SCARA5: variants seen among roughly 807,000 people sequenced by gnomAD.
The protein encoded by SCARA5 is scavenger receptor class A, member 5 (putative).
In SCARA5, 45 loss-of-function variants were observed where a neutral mutation model predicts 46.3. That is an observed-to-expected ratio of 0.97 (90% CI 0.76 to 1.24). The LOEUF (loss-of-function observed/expected upper bound fraction) is 1.24. Among genes scored for constraint, SCARA5 ranks in the 50% most tolerant of loss-of-function variants. The pLI, the probability that SCARA5 is intolerant of heterozygous loss-of-function variation, is 0.00. For missense variants in SCARA5, 680 were observed against 689.0 expected, an observed-to-expected ratio of 0.99 and a Z score of 0.15; for synonymous variants, 333 against 306.5, an observed-to-expected ratio of 1.09 and a Z score of -0.90.
chr8:27,969,324 A>T (rs1259398605), intron 2 of SCARA5, among the ~76,000 whole-genome samples: 1 of 152,252 alleles, frequency 6.6e-6, no homozygotes, highest in Non-Finnish European at 1.5e-5. Flanking sequence ...TAATTTTTTT[A>T]AAAATGCACT....
chr8:27,920,900 C>T (rs575881636), intron 4 of SCARA5, among the ~76,000 whole-genome samples: 10 of 151,858 alleles, frequency 6.6e-5, no homozygotes, highest in Admixed American at 2.0e-4. Context: ...GGCGTGAACC[C>T]GGGAGGTGGA....
chr8:27,973,389 A>C (rs1808475875), intron 2 of SCARA5, among the ~76,000 whole-genome samples: 2 of 152,170 alleles, frequency 1.3e-5, no homozygotes, highest in African/African-American at 4.8e-5. Context: ...AGGCAGGACA[A>C]CTGCTGGAAC....
At chr8:27,921,086 G>A (rs948491811) in intron 4 of SCARA5, among the ~76,000 whole-genome samples, 2 of 152,234 alleles carry the variant, frequency 1.3e-5, no homozygotes, top group African/African-American at 2.4e-5. Flanking sequence ...GCCTAAATGA[G>A]TAAGTCTTCC....
chr8:27,946,537 T>C (rs938072673), intron 3 of SCARA5, among the ~76,000 whole-genome samples: 1 of 152,232 alleles, frequency 6.6e-6, no homozygotes, highest in African/African-American at 2.4e-5. Context: ...GCAGCCTTCC[T>C]GAGAGAAAGT....
At chr8:27,883,642 T>C (rs185689641) in intron 7 of SCARA5, among the ~76,000 whole-genome samples, 130 of 152,240 alleles carry the variant, frequency 8.5e-4, no homozygotes, top group Non-Finnish European at 1.5e-3. Context: ...GATTAGAGGG[T>C]CAATCAGCAA....
At chr8:27,912,470 C>A (rs1807393273) in intron 4 of SCARA5, among the ~76,000 whole-genome samples, 1 of 152,232 alleles carries the variant, frequency 6.6e-6, no homozygotes, top group Non-Finnish European at 1.5e-5. Flanking sequence ...TTTCAGACCA[C>A]ATGATTGAGT....
At chr8:27,889,171 C>A (rs1379369408) in intron 7 of SCARA5, among the ~76,000 whole-genome samples, 5 of 152,152 alleles carry the variant, frequency 3.3e-5, no homozygotes, top group African/African-American at 1.2e-4. Context: ...AGCTGAGGCA[C>A]AGATGAGGCC....
chr8:27,923,902 T>C (rs1585492779), intron 3 of SCARA5, among the ~76,000 whole-genome samples: 1 of 152,310 alleles, frequency 6.6e-6, no homozygotes, highest in Middle Eastern at 3.4e-3. Flanking sequence ...CTCTATTTCC[T>C]CTTCAGCAAA....
Position 27,871,800 on chromosome 8 carries a change from T to G in SCARA5, c.*134A>C, listed in dbSNP as rs1010748333. 6.5e-7 allele frequency: 1 copy of G among 1,530,610 alleles called. No individual in the cohort carries two copies. Among genetic ancestry groups the G allele is most frequent in the East Asian group, 2.3e-5 (1 of 43,398 alleles). 94.8% of individuals were successfully genotyped at this position (1,530,610 alleles called of 1,614,324 possible). On this transcript the variant is annotated 3_prime_UTR_variant, in exon 9 of 9. Transcript: ENST00000354914. Reference sequence around the variant, plus strand: ...ACGACCGGCCCCCACGGTCCTGGGATGCAGGTGTGAGGACTGAGAATGCTG... The same window carrying G: ...ACGACCGGCCCCCACGGTCCTGGGAGGCAGGTGTGAGGACTGAGAATGCTG...
chr8:27,973,190 G>C (rs1808472809), intron 2 of SCARA5, among the ~76,000 whole-genome samples: 1 of 152,138 alleles, frequency 6.6e-6, no homozygotes, highest in South Asian at 2.1e-4. Flanking sequence ...AAAAATAAAA[G>C]CTGGGGCCGG....
At chr8:27,893,893 C>T (rs1807023013) in intron 7 of SCARA5, among the ~76,000 whole-genome samples, 1 of 152,210 alleles carries the variant, frequency 6.6e-6, no homozygotes, top group Non-Finnish European at 1.5e-5. Flanking sequence ...TTTAGGAGGA[C>T]TGTGTAGTGG....
At chr8:27,900,576 A>G (rs866330647) in intron 7 of SCARA5, among the ~76,000 whole-genome samples, 19 of 152,190 alleles carry the variant, frequency 1.2e-4, no homozygotes, top group Admixed American at 5.9e-4. Context: ...TGTCATCTGC[A>G]TATTTTTTTT....
intron 3 of SCARA5, among the ~76,000 whole-genome samples, chr8:27,941,128 T>C (rs1208452318): frequency 6.6e-6 from 1 of 152,168 alleles, no homozygotes. Context: ...ACGTCTTATA[T>C]TTACCATGTT....
chr8:27,948,364 C>A (rs1179148586), intron 3 of SCARA5, among the ~76,000 whole-genome samples: 4 of 152,180 alleles, frequency 2.6e-5, no homozygotes, highest in African/African-American at 7.2e-5. Context: ...GGGAGGGAGG[C>A]AGGGAGGCCC....
At chr8:27,981,133 A>G (rs1447743048) in intron 2 of SCARA5, among the ~76,000 whole-genome samples, 1 of 152,172 alleles carries the variant, frequency 6.6e-6, no homozygotes, top group Non-Finnish European at 1.5e-5. Context: ...TAATCCTCCC[A>G]CAATGCCTGT....
In SCARA5 at chr8:27,896,201, C is replaced by T. The variant is rs113013666; in HGVS notation, c.1153+8577G>A. Reference sequence around the variant, plus strand: ...GATGCTATGTGCCTGTTTCATCAGGCCTGCAGCCCTCCTTGCTGTACACCC... The same window carrying T: ...GATGCTATGTGCCTGTTTCATCAGGTCTGCAGCCCTCCTTGCTGTACACCC... On this transcript the variant is annotated intron_variant, in intron 7 of 8. Coordinates refer to ENST00000354914, the MANE Select transcript of SCARA5 (RefSeq NM_173833.6). 2.5e-3 allele frequency among the ~76,000 whole-genome samples: 380 copies of T among 152,278 alleles called. 4 individuals carry two copies. Among genetic ancestry groups the T allele is most frequent in the African/African-American group, 8.8e-3 (366 of 41,550 alleles).
At chr8:27,891,496 G>A (rs577021498) in intron 7 of SCARA5, among the ~76,000 whole-genome samples, 8 of 152,184 alleles carry the variant, frequency 5.3e-5, no homozygotes, top group South Asian at 2.1e-4. Context: ...GAGACACTGC[G>A]CCCAGCCTAC....
chr8:27,915,091 G>C (rs538455672), intron 4 of SCARA5, among the ~76,000 whole-genome samples: 1 of 152,326 alleles, frequency 6.6e-6, no homozygotes, highest in East Asian at 1.9e-4. Flanking sequence ...CCGGCTGACA[G>C]GGTAGAGTGG....
intron 8 of SCARA5, among the ~76,000 whole-genome samples, chr8:27,878,108 C>G (rs752503111): frequency 6.6e-6 from 1 of 152,184 alleles, no homozygotes; most frequent in Non-Finnish European, 1.5e-5. Context: ...TGTGGGGAAC[C>G]CTGCCGTCAG....
Sources: allele counts gnomAD v4.1 joint callset (sites outside exome capture counted in the v4.1 genomes callset), GRCh38; gene constraint gnomAD v4.1.1; transcripts MANE v1.5; gene names NCBI Gene and HGNC (gene_info 2026-07-23, HGNC 2026-07-21).